RPS6KC1: variants seen among roughly 807,000 people sequenced by gnomAD.
RPS6KC1 encodes inactive ribosomal protein S6 kinase delta-1.
RPS6KC1 carries 54 observed loss-of-function variants against 103.8 expected under a neutral mutation model. The ratio of observed to expected loss-of-function variants is 0.52; its 90% CI spans 0.42 to 0.65. The LOEUF is 0.65. Among genes scored for constraint, RPS6KC1 ranks in the 30% least tolerant of loss-of-function variants. The probability of loss-of-function intolerance (pLI) is 0.00; values close to 1 mark genes in which losing one functional copy is unlikely to be tolerated. For synonymous variants in RPS6KC1, 439 were observed against 438.7 expected, an observed-to-expected ratio of 1.00 and a Z score of -0.01; for missense variants, 1,151 against 1,253.8, an observed-to-expected ratio of 0.92 and a Z score of 1.24.
chr1:213,140,021 G>A (rs539741764), intron 6 of RPS6KC1, among the ~76,000 whole-genome samples: 5 of 152,104 alleles, frequency 3.3e-5, no homozygotes, highest in African/African-American at 1.2e-4. Flanking sequence ...ATTCCTTTCA[G>A]CAGTGTTTTA....
the RPS6KC1 span, among the ~76,000 whole-genome samples, chr1:213,307,555 C>T: frequency 6.6e-6 from 1 of 152,200 alleles, no homozygotes. Flanking sequence ...TATTTCCTCA[C>T]ACATAGTTTT....
chr1:213,173,653 A>G (rs1051024184), intron 7 of RPS6KC1, among the ~76,000 whole-genome samples: 10 of 152,192 alleles, frequency 6.6e-5, no homozygotes, highest in Non-Finnish European at 1.3e-4. Flanking sequence ...TCTTTCTGAG[A>G]CCACAGTTTT....
chr1:213,165,412 T>TTTG (rs1299594162), intron 6 of RPS6KC1, among the ~76,000 whole-genome samples: 4 of 151,200 alleles, frequency 2.6e-5, no homozygotes, highest in East Asian at 1.9e-4. Flanking sequence ...GTGTGTTTTT[T>TTTG]TTGTTGTTGT....
the RPS6KC1 span, among the ~76,000 whole-genome samples, chr1:213,754,800 C>T: frequency 3.9e-5 from 6 of 152,284 alleles, no homozygotes; most frequent in East Asian, 1.2e-3. Flanking sequence ...AAATACTATC[C>T]CATTGGGCAT....
chr1:213,150,806 C>T (rs1368603886), intron 6 of RPS6KC1, among the ~76,000 whole-genome samples: 24 of 152,230 alleles, frequency 1.6e-4, no homozygotes, highest in Admixed American at 5.2e-4. Context: ...GTCATCCTGG[C>T]CCGTTCTCAA....
At chr1:213,058,907 T>A (rs910580577) in intron 1 of RPS6KC1, among the ~76,000 whole-genome samples, 1 of 152,242 alleles carries the variant, frequency 6.6e-6, no homozygotes, top group Admixed American at 6.5e-5. Context: ...TCTTGCAGTT[T>A]ATTTGTGTTC....
chr1:213,277,193 A>G (rs1465981732), downstream of RPS6KC1, among the ~76,000 whole-genome samples: 1 of 152,262 alleles, frequency 6.6e-6, no homozygotes, highest in African/African-American at 2.4e-5. Flanking sequence ...CAGCAGGGAA[A>G]TGGAAAGCAA....
chr1:213,297,116 G>A, the RPS6KC1 span, among the ~76,000 whole-genome samples: 1 of 152,194 alleles, frequency 6.6e-6, no homozygotes, highest in Non-Finnish European at 1.5e-5. Flanking sequence ...ACAATGGCGT[G>A]CAAAGTCTTA....
the RPS6KC1 span, among the ~76,000 whole-genome samples, chr1:213,790,765 G>C: frequency 6.6e-6 from 1 of 152,156 alleles, no homozygotes; most frequent in African/African-American, 2.4e-5. Context: ...ATTTGTACAA[G>C]TTCAAAGGCA....
At chr1:213,368,441 A>G in the RPS6KC1 span, among the ~76,000 whole-genome samples, 1 of 152,150 alleles carries the variant, frequency 6.6e-6, no homozygotes, top group Non-Finnish European at 1.5e-5. Context: ...CTTCATCCTA[A>G]AGTAATAGAG....
chr1:213,320,903 C>T, the RPS6KC1 span, among the ~76,000 whole-genome samples: 1 of 152,192 alleles, frequency 6.6e-6, no homozygotes, highest in Non-Finnish European at 1.5e-5. Context: ...ATTTCGGCCC[C>T]CTTTCCCCTG....
the RPS6KC1 span, among the ~76,000 whole-genome samples, chr1:213,370,048 GGT>G: frequency 1.3e-5 from 2 of 152,100 alleles, no homozygotes; most frequent in Non-Finnish European, 2.9e-5. Context: ...GACATAGGAT[GGT>G]CTTATCTCGA....
At chr1:213,126,147 G>A (rs1358285231) in intron 5 of RPS6KC1, among the ~76,000 whole-genome samples, 1 of 151,832 alleles carries the variant, frequency 6.6e-6, no homozygotes, top group East Asian at 1.9e-4. Flanking sequence ...TTATATATTG[G>A]CATCATTTAA....
chr1:213,190,978 G>C (rs541488982), intron 8 of RPS6KC1, among the ~76,000 whole-genome samples: 1 of 152,228 alleles, frequency 6.6e-6, no homozygotes, highest in Admixed American at 6.5e-5. Context: ...CTTTATCTGT[G>C]GGTTCTCTAT....
At chr1:213,350,162 A>G in the RPS6KC1 span, among the ~76,000 whole-genome samples, 2 of 152,116 alleles carry the variant, frequency 1.3e-5, no homozygotes, top group African/African-American at 4.8e-5. Flanking sequence ...GTGTGGGGTG[A>G]TGTTATGATT....
the RPS6KC1 span, among the ~76,000 whole-genome samples, chr1:213,777,494 G>T: frequency 6.6e-6 from 1 of 152,036 alleles, no homozygotes; most frequent in East Asian, 1.9e-4. Flanking sequence ...GTGGGTTTGT[G>T]GCACCCCAAA....
At chr1:213,776,559 A>G in the RPS6KC1 span, among the ~76,000 whole-genome samples, 1 of 152,252 alleles carries the variant, frequency 6.6e-6, no homozygotes, top group Non-Finnish European at 1.5e-5. Context: ...ATGTGCTATT[A>G]TCCACGTTTT....
chr1:213,566,103 T>TAGATATGTG, the RPS6KC1 span, among the ~76,000 whole-genome samples: 2 of 152,000 alleles, frequency 1.3e-5, no homozygotes, highest in Non-Finnish European at 2.9e-5. Flanking sequence ...GATAGATGGA[T>TAGATATGTG]AGATATGTGA....
At chr1:213,779,391 T>C in the RPS6KC1 span, among the ~76,000 whole-genome samples, 1 of 152,360 alleles carries the variant, frequency 6.6e-6, no homozygotes, top group South Asian at 2.1e-4. Context: ...ATCTAACTCC[T>C]GGTGCTCAGG....
Sources: gnomAD v4.1 joint callset for allele counts (sites outside exome capture counted in the v4.1 genomes callset) on GRCh38, gnomAD v4.1.1 for gene constraint, MANE v1.5 for transcripts, NCBI Gene and HGNC (gene_info 2026-07-23, HGNC 2026-07-21) for gene names.